The following KHDRBS2 variants were observed in gnomAD, a reference collection of about 807,000 sequenced individuals.
KHDRBS2 encodes the protein KH domain-containing, RNA-binding, signal transduction-associated protein 2.
Under a neutral mutation model 44.3 loss-of-function variants are expected in KHDRBS2, and 26 were observed. The observed-to-expected ratio is 0.59, with a 90% CI of 0.43 to 0.81. The LOEUF (loss-of-function observed/expected upper bound fraction) is 0.81. KHDRBS2 is among the 40% of genes least tolerant of loss of function. The pLI is 0.00. For synonymous variants in KHDRBS2, 194 were observed against 151.1 expected (o/e 1.28, Z -2.08); for missense variants, 476 against 433.1 (o/e 1.10, Z -0.88).
At chr6:62,080,881 A>G (rs1473269881) in intron 2 of KHDRBS2, among the ~76,000 whole-genome samples, 1 of 152,066 alleles carries the variant, frequency 6.6e-6, no homozygotes, top group African/African-American at 2.4e-5. Context: ...AGGTTCCTCT[A>G]TTATTAGAGT....
intron 6 of KHDRBS2, among the ~76,000 whole-genome samples, chr6:61,761,993 G>T (rs1250145757): frequency 6.6e-6 from 1 of 152,048 alleles, no homozygotes; most frequent in Non-Finnish European, 1.5e-5. Context: ...GGTCTAAAGG[G>T]TAATAAGAAT....
chr6:61,824,853 CT>C (rs140230795), intron 6 of KHDRBS2, among the ~76,000 whole-genome samples: 2,594 of 152,170 alleles, frequency 0.017, 75 homozygotes, highest in African/African-American at 0.059. Flanking sequence ...GAAATCTAAG[CT>C]TCCTAAAAAT....
intron 6 of KHDRBS2, among the ~76,000 whole-genome samples, chr6:61,735,133 T>C (rs1294313475): frequency 8.0e-6 from 1 of 125,166 alleles, no homozygotes; most frequent in Non-Finnish European, 1.6e-5. Flanking sequence ...ACTGTAGCTT[T>C]TGTTTTCATT....
At chr6:61,648,257 C>T in the KHDRBS2 span, among the ~76,000 whole-genome samples, 1 of 151,920 alleles carries the variant, frequency 6.6e-6, no homozygotes, top group African/African-American at 2.4e-5. Context: ...TATATTATTC[C>T]ATTTTCTCCC....
At chr6:62,068,049 T>A (rs1325942819) in intron 2 of KHDRBS2, among the ~76,000 whole-genome samples, 1 of 151,622 alleles carries the variant, frequency 6.6e-6, no homozygotes, top group South Asian at 2.1e-4. Context: ...TTATCTCTTA[T>A]GTTTAGAAGT....
intron 6 of KHDRBS2, among the ~76,000 whole-genome samples, chr6:61,803,346 C>A (rs751386045): frequency 5.3e-5 from 8 of 152,066 alleles, no homozygotes; most frequent in Non-Finnish European, 1.2e-4. Context: ...TATGGGCATC[C>A]TTTGAAGAAA....
At chr6:61,614,080 C>T in the KHDRBS2 span, among the ~76,000 whole-genome samples, 2 of 152,158 alleles carry the variant, frequency 1.3e-5, no homozygotes, top group African/African-American at 2.4e-5. Flanking sequence ...TCTTTAACAG[C>T]ACCAGTAGCT....
chr6:62,214,053 T>C (rs1829573045), intron 1 of KHDRBS2, among the ~76,000 whole-genome samples: 1 of 152,154 alleles, frequency 6.6e-6, no homozygotes, highest in African/African-American at 2.4e-5. Flanking sequence ...ATTTTATCCA[T>C]GGCAAATTGA....
the KHDRBS2 span, among the ~76,000 whole-genome samples, chr6:61,617,378 C>T: frequency 1.3e-5 from 2 of 152,116 alleles, no homozygotes; most frequent in South Asian, 2.1e-4. Context: ...TCTAGATTAT[C>T]AGTCTCATTG....
chr6:62,088,425 T>C (rs150407718), intron 2 of KHDRBS2, among the ~76,000 whole-genome samples: 93 of 152,340 alleles, frequency 6.1e-4, no homozygotes, highest in African/African-American at 2.2e-3. Context: ...TATTGTTTTC[T>C]GTTTCTTAGT....
chr6:61,955,687 T>C (rs71552590), intron 4 of KHDRBS2, among the ~76,000 whole-genome samples: 23,221 of 105,424 alleles, frequency 0.22, 4,297 homozygotes, highest in East Asian at 0.31. Flanking sequence ...TATGTATGTA[T>C]ACATATATGT....
chr6:62,137,662 A>G (rs747351537), intron 2 of KHDRBS2, among the ~76,000 whole-genome samples: 3 of 152,160 alleles, frequency 2.0e-5, no homozygotes, highest in Non-Finnish European at 4.4e-5. Flanking sequence ...CTGAGACTAT[A>G]AAATCCCAGG....
At chr6:61,795,406 C>G (rs966276279) in intron 6 of KHDRBS2, among the ~76,000 whole-genome samples, 23 of 151,950 alleles carry the variant, frequency 1.5e-4, no homozygotes, top group African/African-American at 5.1e-4. Flanking sequence ...TAAAACATTT[C>G]TCAGCCAATA....
chr6:61,633,030 A>AG, the KHDRBS2 span, among the ~76,000 whole-genome samples: 3 of 152,148 alleles, frequency 2.0e-5, no homozygotes, highest in Admixed American at 2.0e-4. Flanking sequence ...CTAGTATTTG[A>AG]GAAAAACAGA....
rs1815033248 is a variant in KHDRBS2 at position 62,150,943 on chromosome 6, C to A, written c.219+26242G>T. Among the ~76,000 whole-genome samples, 4 of 152,228 alleles carry A rather than the reference C, an allele frequency of 2.6e-5. No homozygotes were observed. The South Asian group carries it at 8.3e-4, about 32-fold the overall frequency. ...TCCTTATTTATAATTCATGTTTGAT[C>A]TTAATCTCAATTCTCCTAGGACAAT... On this transcript the variant is annotated intron_variant, in intron 2 of 8. Coordinates refer to ENST00000281156, the MANE Select transcript of KHDRBS2 (RefSeq NM_152688.4).
chr6:62,277,334 T>TTTTTG (rs1467706910), intron 1 of KHDRBS2, among the ~76,000 whole-genome samples: 7 of 151,982 alleles, frequency 4.6e-5, no homozygotes, highest in Middle Eastern at 3.2e-3. Flanking sequence ...TTTTCTGTTG[T>TTTTTG]TTTTGTTTTG....
chr6:62,263,265 T>A (rs1838660356), intron 1 of KHDRBS2, among the ~76,000 whole-genome samples: 1 of 151,642 alleles, frequency 6.6e-6, no homozygotes, highest in Non-Finnish European at 1.5e-5. Context: ...TACAAATATG[T>A]AATTCACCAA....
At chr6:62,044,345 G>A (rs1040657371) in intron 3 of KHDRBS2, among the ~76,000 whole-genome samples, 19 of 151,786 alleles carry the variant, frequency 1.3e-4, no homozygotes, top group South Asian at 4.2e-4. Context: ...GTGTGGTGGC[G>A]TTCACCTGTA....
At chr6:62,223,302 C>A (rs1189057872) in intron 1 of KHDRBS2, among the ~76,000 whole-genome samples, 3 of 152,214 alleles carry the variant, frequency 2.0e-5, no homozygotes, top group Non-Finnish European at 2.9e-5. Context: ...TCTGCATTAG[C>A]CCCTTTCAGC....
Sources: allele counts gnomAD v4.1 joint callset (sites outside exome capture counted in the v4.1 genomes callset), GRCh38; gene constraint gnomAD v4.1.1; transcripts MANE v1.5; gene names NCBI Gene and HGNC (gene_info 2026-07-23, HGNC 2026-07-21).